The following AGAP1 variants were observed in gnomAD, a reference collection of about 807,000 sequenced individuals.
AGAP1 encodes the protein ArfGAP with GTPase domain, ankyrin repeat and PH domain 1.
In AGAP1, 29 loss-of-function variants were observed where a neutral mutation model predicts 105.3. That is an observed-to-expected ratio of 0.28 (90% CI 0.21 to 0.38). The LOEUF (loss-of-function observed/expected upper bound fraction) is 0.38. Among genes scored for constraint, AGAP1 ranks in the 10% least tolerant of loss-of-function variants. The pLI is 1.00. For missense variants in AGAP1, 998 were observed against 1,165.1 expected (o/e 0.86, Z 2.09); for synonymous variants, 509 against 485.9 (o/e 1.05, Z -0.63).
chr2:235,708,321 C>T (rs1004280225), intron 1 of AGAP1, among the ~76,000 whole-genome samples: 2 of 152,184 alleles, frequency 1.3e-5, no homozygotes, highest in African/African-American at 2.4e-5. Context: ...ATGTGATCAC[C>T]AGGACAAATG....
In AGAP1 at chr2:235,549,571, C is replaced by T. The variant is rs111736871; in HGVS notation, c.163+54722C>T. On this transcript the variant is annotated intron_variant, in intron 1 of 17. Coordinates refer to ENST00000304032, the MANE Select transcript of AGAP1 (RefSeq NM_001037131.3). The surrounding 1 kb of genome is among the most constrained non-coding windows in gnomAD (Gnocchi z 4.2). Reference sequence around the variant, plus strand: ...AGTTGCATTGCTCCTCCGTCTTCCGCGTGCCTGTGGGCAGCTTTTGTTCCT... The same window carrying T: ...AGTTGCATTGCTCCTCCGTCTTCCGTGTGCCTGTGGGCAGCTTTTGTTCCT... Among the ~76,000 whole-genome samples, 4 of 152,170 alleles carry T rather than the reference C, an allele frequency of 2.6e-5. No homozygotes were observed. The highest frequency in any genetic ancestry group is 9.7e-5 in the African/African-American group (4 of 41,422).
At chr2:235,503,572 T>C (rs544179446) in intron 1 of AGAP1, among the ~76,000 whole-genome samples, 3 of 152,180 alleles carry the variant, frequency 2.0e-5, no homozygotes, top group East Asian at 1.9e-4. Flanking sequence ...TCAAACTCTT[T>C]TATTTCTTGG....
chr2:235,649,526 T>C (rs921592638), intron 1 of AGAP1, among the ~76,000 whole-genome samples: 1 of 152,156 alleles, frequency 6.6e-6, no homozygotes, highest in African/African-American at 2.4e-5. Flanking sequence ...GGTGCGCATC[T>C]CTACACTCAG....
At chr2:235,863,388 G>A (rs2049016842) in intron 9 of AGAP1, among the ~76,000 whole-genome samples, 1 of 152,208 alleles carries the variant, frequency 6.6e-6, no homozygotes, top group Non-Finnish European at 1.5e-5. Flanking sequence ...GATCATTTTA[G>A]CATATAATCA....
intron 9 of AGAP1, among the ~76,000 whole-genome samples, chr2:235,880,062 A>G (rs2049932586): frequency 2.0e-5 from 3 of 150,256 alleles, no homozygotes; most frequent in Admixed American, 2.0e-4. Context: ...AGGAGCTATG[A>G]TAGCATCACT....
At position 236,078,037 on chromosome 2, in the gene AGAP1, TTGTGTGTG is replaced by T. The variant is rs9287595; in HGVS notation, c.2114+28786_2114+28793del. On this transcript the variant is annotated intron_variant, in intron 16 of 17. Transcript: ENST00000304032. This position sits in a 1 kb window ranked among gnomAD's most constrained non-coding sequence, Gnocchi z 5.3. The stretch of plus-strand genomic sequence containing the variant: ...AGGGTTCTCCAGAGAAACAACCAAT[TTGTGTGTG>T]TGTGTGTGTGTGTGTGTGTGTGTGT... Among the ~76,000 whole-genome samples, 50 of 140,506 alleles carry T rather than the reference TTGTGTGTG, an allele frequency of 3.6e-4. No individual in the cohort carries two copies. Among genetic ancestry groups the T allele is most frequent in the African/African-American group, 5.6e-4 (21 of 37,758 alleles). The allele number at this position is 140,506 out of a possible 152,430, so 92.2% of individuals were successfully genotyped here. A position where few individuals can be genotyped will look rare whatever the true frequency, so the allele number is the denominator to read the frequency against.
chr2:235,522,861 A>C (rs1216349209), intron 1 of AGAP1, among the ~76,000 whole-genome samples: 1 of 152,218 alleles, frequency 6.6e-6, no homozygotes, highest in Non-Finnish European at 1.5e-5. Flanking sequence ...ACCTGTGGGC[A>C]GAAGAGGAGA....
chr2:235,894,590 TACAC>T (rs921348256), intron 10 of AGAP1, among the ~76,000 whole-genome samples: 21 of 151,228 alleles, frequency 1.4e-4, no homozygotes, highest in African/African-American at 5.1e-4. Context: ...ACATACATCA[TACAC>T]ACACACATAC....
intron 17 of AGAP1, among the ~76,000 whole-genome samples, chr2:236,122,052 A>G (rs1243158321): frequency 1.3e-5 from 2 of 151,558 alleles, no homozygotes; most frequent in African/African-American, 4.9e-5. Flanking sequence ...CCTGGGCTCA[A>G]GCAATCCCCC....
At chr2:235,629,936 A>G (rs1466054668) in intron 1 of AGAP1, among the ~76,000 whole-genome samples, 1 of 152,026 alleles carries the variant, frequency 6.6e-6, no homozygotes, top group Non-Finnish European at 1.5e-5. Context: ...TTCATGACAG[A>G]CATTACTCCA....
intron 11 of AGAP1, among the ~76,000 whole-genome samples, chr2:235,909,796 G>A (rs1439620867): frequency 1.3e-5 from 2 of 152,146 alleles, no homozygotes; most frequent in East Asian, 1.9e-4. Flanking sequence ...TGAGGCGGGT[G>A]GATCGCCTGA....
At chr2:235,902,308 GT>G (rs2051102201) in intron 10 of AGAP1, among the ~76,000 whole-genome samples, 1 of 152,198 alleles carries the variant, frequency 6.6e-6, no homozygotes, top group Admixed American at 6.5e-5. Flanking sequence ...ACATGTGATA[GT>G]TTCTTAAAGC....
chr2:235,588,970 G>A (rs1362255713), intron 1 of AGAP1, among the ~76,000 whole-genome samples: 2 of 152,000 alleles, frequency 1.3e-5, no homozygotes, highest in Non-Finnish European at 1.5e-5. Flanking sequence ...CCCACTGTTC[G>A]TTGTGCTCGT....
At chr2:235,950,257 G>T (rs2053677015) in intron 12 of AGAP1, among the ~76,000 whole-genome samples, 1 of 152,162 alleles carries the variant, frequency 6.6e-6, no homozygotes, top group Non-Finnish European at 1.5e-5. Context: ...TCTCCCAGTG[G>T]TGACTCCGGG....
At chr2:235,641,530 G>C (rs980137949) in intron 1 of AGAP1, among the ~76,000 whole-genome samples, 1 of 152,060 alleles carries the variant, frequency 6.6e-6, no homozygotes, top group Non-Finnish European at 1.5e-5. Flanking sequence ...TGGAGAGGCT[G>C]AGTGGGTTGC....
At chr2:236,081,575 A>G (rs2058783169) in intron 16 of AGAP1, among the ~76,000 whole-genome samples, 1 of 152,080 alleles carries the variant, frequency 6.6e-6, no homozygotes, top group Non-Finnish European at 1.5e-5. Flanking sequence ...CTTTTCCAGT[A>G]GAGACACATG....
intron 16 of AGAP1, 77 bp downstream of exon 16, chr2:236,049,358 C>G: frequency 1.5e-6 from 2 of 1,371,254 alleles, no homozygotes; most frequent in Middle Eastern, 4.6e-4. Flanking sequence ...ATAATGACAG[C>G]CACGGTTGGG....
chr2:235,568,345 G>A (rs924309961), intron 1 of AGAP1, among the ~76,000 whole-genome samples: 4 of 152,344 alleles, frequency 2.6e-5, no homozygotes, highest in Non-Finnish European at 5.9e-5. Context: ...GGCACTTTGC[G>A]GAGCATGGAC....
rs980209659 is a variant in AGAP1 at position 236,096,212 on chromosome 2, G to C, written c.2115-23980G>C. Among the ~76,000 whole-genome samples, 8 of 152,092 alleles carry C rather than the reference G, an allele frequency of 5.3e-5. No homozygotes were observed. The highest frequency in any genetic ancestry group is 1.9e-4 in the African/African-American group (8 of 41,438). On this transcript the variant is annotated intron_variant, in intron 16 of 17. Coordinates refer to ENST00000304032, the MANE Select transcript of AGAP1 (RefSeq NM_001037131.3). This position sits in a 1 kb window ranked among gnomAD's most constrained non-coding sequence, Gnocchi z 4.4. ...TGGCTCTTCTCATTAAAAGCTCCTGGAATGTCAGCCAGGCACAGTGGCTCA... is the reference window on the plus strand; with the variant it reads ...TGGCTCTTCTCATTAAAAGCTCCTGCAATGTCAGCCAGGCACAGTGGCTCA...
Sources: gnomAD v4.1 joint callset for allele counts (sites outside exome capture counted in the v4.1 genomes callset) on GRCh38, gnomAD v4.1.1 for gene constraint, Gnocchi (gnomAD v3.1) non-coding constraint, MANE v1.5 for transcripts, NCBI Gene and HGNC (gene_info 2026-07-23, HGNC 2026-07-21) for gene names.